NUFIP2: variants seen among roughly 807,000 people sequenced by gnomAD.
The protein encoded by NUFIP2 is FMR1-interacting protein NUFIP2.
A neutral mutation model predicts 56.9 loss-of-function variants in NUFIP2; 6 were observed. The observed-to-expected ratio is 0.11, with a 90% CI of 0.06 to 0.21. NUFIP2 has a LOEUF of 0.21. NUFIP2 is among the 10% of genes least tolerant of loss of function. The pLI, the probability that NUFIP2 is intolerant of heterozygous loss-of-function variation, is 1.00. For synonymous variants in NUFIP2, 321 were observed against 298.2 expected (o/e 1.08, Z -0.79); for missense variants, 828 against 826.8 (o/e 1.00, Z -0.02).
intron 2 of NUFIP2, among the ~76,000 whole-genome samples, chr17:29,270,844 G>A (rs1298855421): frequency 2.0e-5 from 3 of 147,158 alleles, no homozygotes. Flanking sequence ...AAAAGAAAAA[G>A]TTAATCCAAC....
chr17:29,293,676 C>A, intron 1 of NUFIP2, 107 bp downstream of exon 1: 1 of 1,242,944 alleles, frequency 8.0e-7, no homozygotes, highest in Non-Finnish European at 1.1e-6. Flanking sequence ...AGGGGACACA[C>A]ACACACACAC....
In NUFIP2 at chr17:29,286,734, T is replaced by C; in HGVS notation, c.1260A>G (p.Leu420=). 6.2e-7 allele frequency: 1 copy of C among 1,614,110 alleles called. No homozygotes were observed. The highest frequency in any genetic ancestry group is 8.5e-7 in the Non-Finnish European group (1 of 1,180,020). ...TSANFSNGPV[L]AGTDGNVYPP... Reference sequence around the variant, plus strand: ...GATAAACATTTCCATCAGTCCCTGCTAAAACAGGCCCATTAGAAAAGTTGG... The same window carrying C: ...GATAAACATTTCCATCAGTCCCTGCCAAAACAGGCCCATTAGAAAAGTTGG... The change falls in exon 2 of 4, where the codon TTA becomes TTG. Residue 420 remains leucine, a synonymous_variant. Coordinates refer to ENST00000225388, the MANE Select transcript of NUFIP2 (RefSeq NM_020772.3).
intron 3 of NUFIP2, among the ~76,000 whole-genome samples, chr17:29,266,219 C>T (rs1303402544): frequency 1.3e-5 from 2 of 151,020 alleles, no homozygotes; most frequent in Admixed American, 1.3e-4. Context: ...CACCTGCCTC[C>T]GCCTCCCAAA....
intron 2 of NUFIP2, among the ~76,000 whole-genome samples, chr17:29,268,960 G>A (rs922838453): frequency 1.7e-4 from 26 of 152,072 alleles, no homozygotes; most frequent in African/African-American, 6.3e-4. Flanking sequence ...CTTAAAATAA[G>A]AAAATTATGT....
Position 29,287,621 on chromosome 17 carries a change from T to C in NUFIP2, c.373A>G (p.Asn125Asp). The C allele has an allele frequency of 6.2e-7, 1 of 1,614,132 alleles. No homozygotes were observed. Among genetic ancestry groups the C allele is most frequent in the Middle Eastern group, 1.6e-4 (1 of 6,062 alleles). The change falls in exon 2 of 4, where the codon AAT becomes GAT. Residue 125 changes from asparagine (N) to aspartate (D), a missense_variant. Around this residue, in one of 3 missense-constraint regions of NUFIP2, gnomAD observed 415 missense variants for 408.7 expected, o/e 1.02. Coordinates refer to ENST00000225388, the MANE Select transcript of NUFIP2 (RefSeq NM_020772.3). The stretch of plus-strand genomic sequence containing the variant: ...GTGTCTACAACTTGCTGGTTGCCAT[T>C]GAGGACCCTGGAAATAGGGTTGGTG... ...EATNPISRVLNGNQQVVDTSL... is the reference protein window; with the variant it reads ...EATNPISRVLDGNQQVVDTSL...
intron 3 of NUFIP2, among the ~76,000 whole-genome samples, chr17:29,267,220 T>C (rs2069043146): frequency 6.6e-6 from 1 of 151,802 alleles, no homozygotes; most frequent in African/African-American, 2.4e-5. Flanking sequence ...TTTTTTTTTT[T>C]TTTTAATTTA....
intron 2 of NUFIP2, among the ~76,000 whole-genome samples, chr17:29,268,012 T>C (rs1002385287): frequency 2.6e-4 from 39 of 152,104 alleles, no homozygotes; most frequent in African/African-American, 9.4e-4. Flanking sequence ...GCTTCTCCTG[T>C]CTCAACCTCC....
chr17:29,293,821 G>A lies in NUFIP2; in HGVS notation c.239C>T (p.Thr80Ile), dbSNP rs759854029. The change falls in exon 1 of 4, where the codon ACC (threonine) becomes ATC (isoleucine). Residue 80 changes from threonine to isoleucine, a missense_variant. Around this residue, in one of 3 missense-constraint regions of NUFIP2, gnomAD observed 415 missense variants for 408.7 expected, o/e 1.02. Transcript: ENST00000225388. ...PKPLKHEQKH[T>I]LQQHQETPKK... ...CGGCGTTTCCTGGTGCTGCTGGAGG[G>A]TGTGTTTCTGCTCATGTTTCAGCGG... The A allele has an allele frequency of 1.5e-5, 24 of 1,605,276 alleles. No individual in the cohort carries two copies. Among genetic ancestry groups the A allele is most frequent in the Non-Finnish European group, 1.8e-5 (21 of 1,173,754 alleles).
intron 3 of NUFIP2, among the ~76,000 whole-genome samples, chr17:29,265,619 A>G (rs1235951250): frequency 1.4e-5 from 2 of 145,818 alleles, no homozygotes; most frequent in African/African-American, 5.0e-5. Context: ...TGTTTTTATT[A>G]TATATTATTT....
intron 2 of NUFIP2, 109 bp from the exon 3 acceptor site, chr17:29,267,639 G>C (rs1295299980): frequency 6.3e-6 from 4 of 635,182 alleles, no homozygotes; most frequent in South Asian, 2.0e-5. Context: ...CCAGACTGGA[G>C]GTAGGGTTGA....
intron 2 of NUFIP2, among the ~76,000 whole-genome samples, chr17:29,284,082 T>A (rs556610863): frequency 1.3e-5 from 2 of 152,350 alleles, no homozygotes; most frequent in African/African-American, 4.8e-5. Context: ...CAGTATTTCT[T>A]CCAGAGAGAA....
chr17:29,280,815 G>A (rs981367536), intron 2 of NUFIP2, among the ~76,000 whole-genome samples: 4 of 151,882 alleles, frequency 2.6e-5, no homozygotes, highest in Non-Finnish European at 4.4e-5. Flanking sequence ...GCGAAACCCC[G>A]TCTCTACTAA....
chr17:29,282,850 C>A (rs549938816), intron 2 of NUFIP2, among the ~76,000 whole-genome samples: 4 of 150,316 alleles, frequency 2.7e-5, no homozygotes, highest in African/African-American at 9.8e-5. Flanking sequence ...ATTATTACTT[C>A]TTTTAGAGTT....
chr17:29,288,676 T>G (rs2069192746), intron 1 of NUFIP2, among the ~76,000 whole-genome samples: 1 of 152,192 alleles, frequency 6.6e-6, no homozygotes, highest in Non-Finnish European at 1.5e-5. Flanking sequence ...TTAAGAGAGA[T>G]GAAGTAAATT....
intron 1 of NUFIP2, among the ~76,000 whole-genome samples, chr17:29,290,088 T>A (rs1218860300): frequency 6.6e-6 from 1 of 152,012 alleles, no homozygotes; most frequent in Admixed American, 6.6e-5. Flanking sequence ...TTCCGCCACG[T>A]TGGCCTGGCT....
At position 29,256,867 on chromosome 17, in the gene NUFIP2, G is replaced by A. The variant is rs2068974282; in HGVS notation, c.*7672C>T. Reference sequence around the variant, plus strand: ...ATACACGTTATCTTTAAAACAACCAGTGCTTTGATCTTACAAACAACTGAA... The same window carrying A: ...ATACACGTTATCTTTAAAACAACCAATGCTTTGATCTTACAAACAACTGAA... On this transcript the variant is annotated 3_prime_UTR_variant, in exon 4 of 4. Transcript: ENST00000225388. The A allele has an allele frequency of 6.6e-6, 1 of 152,186 alleles. No homozygotes were observed. The highest frequency in any genetic ancestry group is 2.4e-5 in the African/African-American group (1 of 41,444). The allele number at this position is 152,186 out of a possible 1,614,324, so 9.4% of individuals were successfully genotyped here.
chr17:29,264,897 G>A (rs2069025359), intron 3 of NUFIP2, among the ~76,000 whole-genome samples: 1 of 152,178 alleles, frequency 6.6e-6, no homozygotes. Flanking sequence ...TACAAAAGCA[G>A]TGTATTTGAA....
chr17:29,294,000 G>A lies in NUFIP2; in HGVS notation c.60C>T (p.His20=). ...PQHHHSHHHP[H]HHPQQQQQQP... is the part of the protein sequence containing the mutation. The stretch of plus-strand genomic sequence containing the variant: ...GCTGCTGCTGCTGCTGAGGGTGATG[G>A]TGCGGATGGTGGTGGCTGTGATGGT... Residue 20 remains histidine, a synonymous_variant, in exon 1 of 4, where the codon CAC becomes CAT. Transcript: ENST00000225388. 2 of 1,613,218 alleles carry A rather than the reference G, an allele frequency of 1.2e-6. No individual in the cohort carries two copies. Among genetic ancestry groups the A allele is most frequent in the Non-Finnish European group, 1.7e-6 (2 of 1,179,456 alleles).
At chr17:29,290,648 T>C (rs2069205644) in intron 1 of NUFIP2, among the ~76,000 whole-genome samples, 1 of 143,430 alleles carries the variant, frequency 7.0e-6, no homozygotes, top group African/African-American at 2.6e-5. Flanking sequence ...AGTAAGGCTG[T>C]GTCTCAAAAA....
Sources: gnomAD v4.1 joint callset for allele counts (sites outside exome capture counted in the v4.1 genomes callset) on GRCh38, gnomAD v4.1.1 for gene constraint, gnomAD v4.1.1 regional missense constraint, MANE v1.5 for transcripts, NCBI Gene and HGNC (gene_info 2026-07-23, HGNC 2026-07-21) for gene names.